The following ZNF611 variants were observed in gnomAD, a reference collection of about 807,000 sequenced individuals.
ZNF611 encodes zinc finger protein 611.
In ZNF611, 6 loss-of-function variants were observed where a neutral mutation model predicts 8.9. That is an observed-to-expected ratio of 0.68 (90% CI 0.37 to 1.34). The LOEUF (loss-of-function observed/expected upper bound fraction) is 1.34. ZNF611 is among the 40% of genes most tolerant of loss of function. The probability of loss-of-function intolerance (pLI) is 0.02; values close to 1 mark genes in which losing one functional copy is unlikely to be tolerated. For synonymous variants in ZNF611, 262 were observed against 279.7 expected, an observed-to-expected ratio of 0.94 and a Z score of 0.63; for missense variants, 874 against 841.3, an observed-to-expected ratio of 1.04 and a Z score of -0.48.
chr19:52,704,423 AATC>A lies in ZNF611; in HGVS notation c.*511_*513del. 4 of 701,142 alleles carry A rather than the reference AATC, an allele frequency of 5.7e-6. No individual in the cohort carries two copies. Among genetic ancestry groups the A allele is most frequent in the South Asian group, 5.7e-5 (4 of 70,478 alleles). 43.4% of individuals were successfully genotyped at this position (701,142 alleles called of 1,614,324 possible). On this transcript the variant is annotated 3_prime_UTR_variant, in exon 6 of 6. Transcript: ENST00000652185. The stretch of plus-strand genomic sequence containing the variant: ...GAACGTGAAGCAAAGGCTTTGCCAC[AATC>A]ATCACACTTGTGAGGTTTCTCTCCT...
At chr19:52,714,683 ATC>A (rs2062303522) in intron 4 of ZNF611, among the ~76,000 whole-genome samples, 2 of 71,126 alleles carry the variant, frequency 2.8e-5, no homozygotes, top group Non-Finnish European at 5.2e-5. Flanking sequence ...CTGACACTCC[ATC>A]TCAAAAAACA....
intron 4 of ZNF611, among the ~76,000 whole-genome samples, chr19:52,714,443 T>C (rs988484140): frequency 5.3e-5 from 8 of 151,866 alleles, no homozygotes; most frequent in African/African-American, 1.7e-4. Context: ...ATCCCAACAC[T>C]TCAGGAGGCC....
chr19:52,727,722 C>T (rs1192564442), intron 3 of ZNF611, among the ~76,000 whole-genome samples: 1 of 152,156 alleles, frequency 6.6e-6, no homozygotes, highest in Non-Finnish European at 1.5e-5. Flanking sequence ...GCTTGAGCCA[C>T]CAGGGTCAGC....
chr19:52,721,488 G>A (rs571017492), intron 3 of ZNF611, among the ~76,000 whole-genome samples: 174 of 152,310 alleles, frequency 1.1e-3, no homozygotes, highest in African/African-American at 3.8e-3. Flanking sequence ...AGACCAGCCC[G>A]GCCAACATGG....
Position 52,705,772 on chromosome 19 carries a change from C to A in ZNF611, c.1283G>T (p.Cys428Phe). 6.2e-7 allele frequency: 1 copy of A among 1,614,068 alleles called. No individual in the cohort carries two copies. The highest frequency in any genetic ancestry group is 8.5e-7 in the Non-Finnish European group (1 of 1,179,986). Reference sequence around the variant, plus strand: ...ACTGAAGGTCTTGCCACACTCATTACATTTATAAGTTTTCTTTGCAGTATG... The same window carrying A: ...ACTGAAGGTCTTGCCACACTCATTAAATTTATAAGTTTTCTTTGCAGTATG... The part of the protein sequence containing the change: ...RIHTAKKTYK[C>F]NECGKTFSHK... Residue 428 changes from cysteine (C) to phenylalanine (F), a missense_variant, in exon 6 of 6, where the codon TGT becomes TTT. By Grantham distance (205) the Cys-to-Phe change is radical (BLOSUM62 -2). Coordinates refer to ENST00000652185, the MANE Select transcript of ZNF611 (RefSeq NM_001161499.2).
chr19:52,726,543 T>A (rs1568608994), intron 3 of ZNF611, among the ~76,000 whole-genome samples: 1 of 151,972 alleles, frequency 6.6e-6, no homozygotes, highest in Non-Finnish European at 1.5e-5. Flanking sequence ...GCCTGAGAGT[T>A]GAGTAACTGG....
In ZNF611 at chr19:52,726,196, T is replaced by G. The variant is rs546171434; in HGVS notation, c.-20+2534A>C. On this transcript the variant is annotated intron_variant, in intron 3 of 5. Transcript: ENST00000652185. ...AGAGCCTTTGCTTGGGATGCGGGAC[T>G]GGGTGCTCAGGCCAGGGAGGAGTGA... is the stretch of plus-strand genomic sequence containing the variant. 2.8e-3 allele frequency among the ~76,000 whole-genome samples: 423 copies of G among 152,112 alleles called. 1 individual carries two copies. The highest frequency in any genetic ancestry group is 4.8e-3 in the Non-Finnish European group (324 of 68,018).
intron 2 of ZNF611, among the ~76,000 whole-genome samples, chr19:52,729,676 C>A (rs2062413865): frequency 6.6e-6 from 1 of 151,998 alleles, no homozygotes; most frequent in Non-Finnish European, 1.5e-5. Flanking sequence ...TATGTGAAAT[C>A]TTAAATATTA....
intron 5 of ZNF611, among the ~76,000 whole-genome samples, chr19:52,711,521 T>C (rs910831357): frequency 6.6e-6 from 1 of 152,166 alleles, no homozygotes; most frequent in African/African-American, 2.4e-5. Context: ...TTAGGCACAA[T>C]AGTCAGCGCA....
intron 3 of ZNF611, among the ~76,000 whole-genome samples, chr19:52,724,893 T>A (rs1487521471): frequency 1.3e-5 from 2 of 152,180 alleles, no homozygotes; most frequent in African/African-American, 4.8e-5. Flanking sequence ...TCTACATTTC[T>A]CCAGTTGCTT....
intron 5 of ZNF611, chr19:52,711,230 G>A (rs781640403): frequency 1.1e-4 from 17 of 152,016 alleles, no homozygotes; most frequent in African/African-American, 4.1e-4. Flanking sequence ...TTCTCGGGAG[G>A]CTGAGGCAGG....
At chr19:52,733,399 CAA>C (rs1333703837) in intron 1 of ZNF611, among the ~76,000 whole-genome samples, 14 of 152,068 alleles carry the variant, frequency 9.2e-5, no homozygotes, top group African/African-American at 3.1e-4. Context: ...CTCCTGGGCT[CAA>C]GTCATCCTCC....
intron 5 of ZNF611, among the ~76,000 whole-genome samples, chr19:52,710,090 G>A (rs2062270025): frequency 6.6e-6 from 1 of 151,756 alleles, no homozygotes; most frequent in Non-Finnish European, 1.5e-5. Context: ...TTCTTTTTTT[G>A]TCTGTTTTTG....
intron 1 of ZNF611, among the ~76,000 whole-genome samples, chr19:52,734,539 G>C (rs1290869100): frequency 3.8e-5 from 2 of 52,224 alleles, no homozygotes; most frequent in African/African-American, 1.0e-4. Flanking sequence ...TGCGGGGCGG[G>C]GGGGGGGGGC....
rs977021142 is a variant in ZNF611, at chr19:52,706,012, C to T, written c.1043G>A (p.Cys348Tyr). The T allele has an allele frequency of 2.5e-6, 4 of 1,614,064 alleles. No homozygotes were observed. Among genetic ancestry groups the T allele is most frequent in the African/African-American group, 2.7e-5 (2 of 74,924 alleles). The change falls in exon 6 of 6, where the codon TGT (cysteine) becomes TAT (tyrosine). Residue 348 changes from cysteine to tyrosine, a missense_variant. Cys to Tyr is a radical substitution (Grantham distance 194, BLOSUM62 -2). Transcript: ENST00000652185. ...TGENPYKCNE[C>Y]DKAFNQQSQL... ...TGATTGTTGATTAAAAGCCTTGTCA[C>T]ATTCATTACACTTGTAAGGATTTTC... is the stretch of plus-strand genomic sequence containing the variant.
At position 52,705,349 on chromosome 19, in the gene ZNF611, T is replaced by C. The variant is rs760008701; in HGVS notation, c.1706A>G (p.Asn569Ser). 5.6e-6 allele frequency: 9 copies of C among 1,614,080 alleles called. No homozygotes were observed. Among genetic ancestry groups the C allele is most frequent in the Admixed American group, 5.0e-5 (3 of 60,002 alleles). ...IHSGEKPYKC[N>S]ECSKTFSHRS... ...GTGACTGAAGGTCTTGCTGCACTCA[T>C]TACACTTGTAAGGTTTCTCTCCACT... Residue 569 changes from asparagine (N) to serine (S), a missense_variant, in exon 6 of 6, where the codon AAT becomes AGT. Coordinates refer to ENST00000652185, the MANE Select transcript of ZNF611 (RefSeq NM_001161499.2).
chr19:52,722,581 A>T (rs944503852), intron 3 of ZNF611, among the ~76,000 whole-genome samples: 1 of 152,174 alleles, frequency 6.6e-6, no homozygotes, highest in Non-Finnish European at 1.5e-5. Context: ...ACCAAGATTT[A>T]TAGAATGTAC....
rs1386816744 is a variant in ZNF611 at position 52,712,222 on chromosome 19, C to A, written c.190+1793G>T. ...CCAGAAATGCATACAAACACACACA[C>A]AAAAAAACAACTAAACTCCATGAAG... On this transcript the variant is annotated intron_variant, in intron 5 of 5. Coordinates refer to ENST00000652185, the MANE Select transcript of ZNF611 (RefSeq NM_001161499.2). 1.4e-4 allele frequency among the ~76,000 whole-genome samples: 21 copies of A among 146,298 alleles called. 1 individual carries two copies. Among genetic ancestry groups the A allele is most frequent in the Admixed American group, 6.1e-4 (9 of 14,800 alleles).
At chr19:52,732,720 G>A (rs2062433821) in intron 1 of ZNF611, among the ~76,000 whole-genome samples, 1 of 151,574 alleles carries the variant, frequency 6.6e-6, no homozygotes, top group Non-Finnish European at 1.5e-5. Flanking sequence ...CAAGGCAGGA[G>A]GATCCTTTGA....
Sources: allele counts gnomAD v4.1 joint callset (sites outside exome capture counted in the v4.1 genomes callset), GRCh38; gene constraint gnomAD v4.1.1; transcripts MANE v1.5; gene names NCBI Gene and HGNC (gene_info 2026-07-23, HGNC 2026-07-21).